The following PID1 variants were observed in gnomAD, a reference collection of about 807,000 sequenced individuals.
The protein encoded by PID1 is PTB-containing, cubilin and LRP1-interacting protein.
Under a neutral mutation model 19.1 loss-of-function variants are expected in PID1, and 10 were observed. The ratio of observed to expected loss-of-function variants is 0.52; its 90% CI spans 0.32 to 0.89. PID1 has a LOEUF of 0.89. Among genes scored for constraint, PID1 ranks in the 40% least tolerant of loss-of-function variants. The pLI, the probability that PID1 is intolerant of heterozygous loss-of-function variation, is 0.03. For synonymous variants in PID1, 130 were observed against 116.0 expected (o/e 1.12, Z -0.78); for missense variants, 248 against 285.3 (o/e 0.87, Z 0.94).
At chr2:229,127,046 A>T (rs7601332) in intron 2 of PID1, among the ~76,000 whole-genome samples, 6,557 of 152,290 alleles carry the variant, frequency 0.043, 490 homozygotes, top group African/African-American at 0.15. Flanking sequence ...GAGAGAATAA[A>T]AGGCCATCAG....
At chr2:229,127,542 G>A (rs1228953699) in intron 2 of PID1, among the ~76,000 whole-genome samples, 1 of 152,144 alleles carries the variant, frequency 6.6e-6, no homozygotes, top group African/African-American at 2.4e-5. Flanking sequence ...CTGAAGGGGT[G>A]CTTTTTCTCT....
At chr2:229,158,649 A>G (rs1044840321) in intron 1 of PID1, among the ~76,000 whole-genome samples, 4 of 152,240 alleles carry the variant, frequency 2.6e-5, no homozygotes, top group African/African-American at 9.6e-5. Flanking sequence ...AGACTAGATC[A>G]GCTCACTGCT....
rs550598906 is a variant in PID1 at position 229,168,258 on chromosome 2, T to C, written c.31-12294A>G. On this transcript the variant is annotated intron_variant, in intron 1 of 2. Transcript: ENST00000392055. Reference sequence around the variant, plus strand: ...CTTTATGTCTTCAATAGTTCTTCCATCCCATTCTCTCTTCTCCTTCTGGCT... The same window carrying C: ...CTTTATGTCTTCAATAGTTCTTCCACCCCATTCTCTCTTCTCCTTCTGGCT... 2.4e-4 allele frequency among the ~76,000 whole-genome samples: 36 copies of C among 152,280 alleles called. No homozygotes were observed. The East Asian group carries it at 2.7e-3, about 11-fold the overall frequency.
intron 1 of PID1, among the ~76,000 whole-genome samples, chr2:229,189,547 A>T (rs1691212106): frequency 6.6e-6 from 1 of 152,088 alleles, no homozygotes; most frequent in Non-Finnish European, 1.5e-5. Flanking sequence ...ACACAAAATA[A>T]ATAGCTGGGC....
chr2:229,262,828 C>T, intron 1 of PID1: 16 of 1,550,570 alleles, frequency 1.0e-5, no homozygotes, highest in Non-Finnish European at 1.4e-5. Flanking sequence ...GATGCCATAA[C>T]TCCGGTTTCT....
Position 229,133,924 on chromosome 2 carries a change from C to A in PID1, c.177+21894G>T, listed in dbSNP as rs2106170793. ...CATTAGGTATATCTCCTAATGCTAT[C>A]CCTCCCACCTCCCTGAGTTGGATAA... is the stretch of plus-strand genomic sequence containing the variant. On this transcript the variant is annotated intron_variant, in intron 2 of 2. Transcript: ENST00000392055. Among the ~76,000 whole-genome samples the A allele has an allele frequency of 1.3e-5, 2 of 151,338 alleles. 1 individual carries two copies. The highest frequency in any genetic ancestry group is 6.8e-3 in the Middle Eastern group (2 of 292).
intron 2 of PID1, among the ~76,000 whole-genome samples, chr2:229,031,849 G>C (rs1483467954): frequency 6.6e-6 from 1 of 152,170 alleles, no homozygotes; most frequent in East Asian, 1.9e-4. Context: ...CTTACTGCCT[G>C]TCCACATACT....
chr2:229,137,387 T>A (rs1689877762), intron 2 of PID1, among the ~76,000 whole-genome samples: 2 of 152,268 alleles, frequency 1.3e-5, no homozygotes, highest in Non-Finnish European at 2.9e-5. Context: ...CTTATCCTTT[T>A]ATCACTCTTT....
intron 1 of PID1, among the ~76,000 whole-genome samples, chr2:229,263,887 C>T (rs1359381417): frequency 1.3e-5 from 2 of 152,292 alleles, no homozygotes; most frequent in South Asian, 2.1e-4. Context: ...GCTGGGAACA[C>T]AGTAAATACT....
rs144268560 is a variant in PID1 at position 229,189,327 on chromosome 2, C to T, written c.31-33363G>A. ...GCACAGCCCCAGGTCCATTAGATCA[C>T]GCAAGTGGCAGAGAAACACTGTGGC... On this transcript the variant is annotated intron_variant, in intron 1 of 2. Transcript: ENST00000392055. 5.6e-3 allele frequency among the ~76,000 whole-genome samples: 849 copies of T among 152,270 alleles called. 11 individuals are homozygous for T. Among genetic ancestry groups the T allele is most frequent in the African/African-American group, 0.019 (802 of 41,550 alleles).
chr2:229,103,765 G>A (rs541606188), intron 2 of PID1, among the ~76,000 whole-genome samples: 1 of 152,030 alleles, frequency 6.6e-6, no homozygotes, highest in East Asian at 1.9e-4. Context: ...TTTTAGTAGA[G>A]ACTGGCTTTC....
chr2:229,226,861 C>T (rs1355870706), intron 1 of PID1, among the ~76,000 whole-genome samples: 1 of 152,104 alleles, frequency 6.6e-6, no homozygotes, highest in Non-Finnish European at 1.5e-5. Context: ...TAGATGACCC[C>T]CTTTAAAAGT....
rs551243574 is a variant in PID1, at chr2:229,024,645, A to C, written c.*987T>G. 20 of 152,758 alleles carry C rather than the reference A, an allele frequency of 1.3e-4. No homozygotes were observed. The highest frequency in any genetic ancestry group is 2.6e-4 in the Admixed American group (4 of 15,298). The allele number at this position is 152,758 out of a possible 1,614,324, so 9.5% of individuals were successfully genotyped here. ...GGGCAAGGTTTCCTCGGTGATACCA[A>C]ATCAGATTTGAAGCTTGCCATCAAG... On this transcript the variant is annotated 3_prime_UTR_variant, in exon 3 of 3. Transcript: ENST00000392055.
chr2:229,205,221 A>G (rs903453991), intron 1 of PID1, among the ~76,000 whole-genome samples: 1 of 151,502 alleles, frequency 6.6e-6, no homozygotes, highest in Non-Finnish European at 1.5e-5. Context: ...TGCTACACAC[A>G]CACAATCACA....
chr2:229,226,386 A>C (rs1692077845), intron 1 of PID1, among the ~76,000 whole-genome samples: 1 of 152,208 alleles, frequency 6.6e-6, no homozygotes, highest in Non-Finnish European at 1.5e-5. Context: ...TATCACATAA[A>C]GCAAAAGATG....
At chr2:229,182,751 A>T (rs1296706946) in intron 1 of PID1, among the ~76,000 whole-genome samples, 3 of 152,200 alleles carry the variant, frequency 2.0e-5, no homozygotes, top group Non-Finnish European at 4.4e-5. Flanking sequence ...AAAATCAACC[A>T]TGTAAAACTC....
intron 2 of PID1, among the ~76,000 whole-genome samples, chr2:229,082,186 T>C (rs149719884): frequency 2.1e-4 from 32 of 152,304 alleles, no homozygotes; most frequent in African/African-American, 6.5e-4. Context: ...TCCTTCAGAC[T>C]CTGGAAGAGG....
chr2:229,108,780 A>T (rs908751403), intron 2 of PID1, among the ~76,000 whole-genome samples: 2 of 152,156 alleles, frequency 1.3e-5, no homozygotes, highest in South Asian at 4.1e-4. Context: ...GAGCCTGGAC[A>T]CAGTCGTCTG....
intron 1 of PID1, among the ~76,000 whole-genome samples, chr2:229,268,249 AT>A (rs971907297): frequency 7.9e-5 from 12 of 152,178 alleles, no homozygotes; most frequent in Admixed American, 3.3e-4. Flanking sequence ...TATCAGCATC[AT>A]TTTGTGGGGA....
Sources: allele counts gnomAD v4.1 joint callset (sites outside exome capture counted in the v4.1 genomes callset), GRCh38; gene constraint gnomAD v4.1.1; transcripts MANE v1.5; gene names NCBI Gene and HGNC (gene_info 2026-07-23, HGNC 2026-07-21).